The following GLIS3 variants were observed in gnomAD, a reference collection of about 807,000 sequenced individuals.
GLIS3 encodes the protein GLIS family zinc finger 3.
GLIS3 carries 53 observed loss-of-function variants against 78.6 expected under a neutral mutation model. The ratio of observed to expected loss-of-function variants is 0.67; its 90% confidence interval spans 0.54 to 0.85. GLIS3 has a LOEUF of 0.85. GLIS3 is among the 40% of genes least tolerant of loss of function. The probability of loss-of-function intolerance (pLI) is 0.00; values close to 1 mark genes in which losing one functional copy is unlikely to be tolerated. For synonymous variants in GLIS3, 684 were observed against 509.9 expected, an observed-to-expected ratio of 1.34 and a Z score of -4.60; for missense variants, 1,703 against 1,231.1, an observed-to-expected ratio of 1.38 and a Z score of -5.74.
chr9:4,350,055 G>T (rs1348657405), upstream of GLIS3, among the ~76,000 whole-genome samples: 1 of 152,234 alleles, frequency 6.6e-6, no homozygotes, highest in Non-Finnish European at 1.5e-5. Context: ...AACTGAGAGA[G>T]TCAGATTGCA....
intron 1 of GLIS3, among the ~76,000 whole-genome samples, chr9:4,298,959 C>A (rs1355613600): frequency 3.9e-5 from 6 of 152,194 alleles, no homozygotes; most frequent in African/African-American, 1.4e-4. Flanking sequence ...GCGCGAGAGA[C>A]CTCACGTCAC....
At chr9:4,488,681 G>A in the GLIS3 span, among the ~76,000 whole-genome samples, 16 of 151,812 alleles carry the variant, frequency 1.1e-4, no homozygotes, top group African/African-American at 3.9e-4. Flanking sequence ...CCCTAAACCC[G>A]GCTAATTTTT....
chr9:4,490,354 C>T, the GLIS3 span: 3 of 185,626 alleles, frequency 1.6e-5, no homozygotes. Context: ...CCGGGCGTCC[C>T]ACGCACGCAC....
At chr9:3,923,191 C>T (rs748551776) in intron 6 of GLIS3, among the ~76,000 whole-genome samples, 5 of 152,196 alleles carry the variant, frequency 3.3e-5, no homozygotes, top group Non-Finnish European at 7.3e-5. Flanking sequence ...ATACCTAATT[C>T]GTTTCCCACA....
intron 2 of GLIS3, among the ~76,000 whole-genome samples, chr9:4,208,706 G>A (rs138268133): frequency 2.2e-4 from 33 of 152,294 alleles, no homozygotes; most frequent in East Asian, 2.1e-3. Flanking sequence ...GGTTGCTAGC[G>A]TTTAAAGAGT....
At chr9:3,874,055 A>T (rs960906791) in intron 8 of GLIS3, among the ~76,000 whole-genome samples, 4 of 152,062 alleles carry the variant, frequency 2.6e-5, no homozygotes, top group African/African-American at 9.7e-5. Flanking sequence ...TCAAAGTGAT[A>T]GTGTCTTTTT....
At chr9:3,994,965 T>C (rs1226388143) in intron 4 of GLIS3, among the ~76,000 whole-genome samples, 1 of 152,182 alleles carries the variant, frequency 6.6e-6, no homozygotes, top group African/African-American at 2.4e-5. Context: ...GGGGCTATTC[T>C]AACAATTTCA....
the GLIS3 span, among the ~76,000 whole-genome samples, chr9:4,462,106 T>C: frequency 2.0e-5 from 3 of 152,302 alleles, no homozygotes; most frequent in South Asian, 2.1e-4. Context: ...TTTTTGCCCA[T>C]GGGCCACACC....
At chr9:4,371,924 T>A in the GLIS3 span, among the ~76,000 whole-genome samples, 1 of 152,224 alleles carries the variant, frequency 6.6e-6, no homozygotes, top group East Asian at 1.9e-4. Context: ...CCTACTTCGA[T>A]GCTCAGCTCT....
chr9:4,418,504 G>T, the GLIS3 span, among the ~76,000 whole-genome samples: 2 of 152,154 alleles, frequency 1.3e-5, no homozygotes, highest in Non-Finnish European at 2.9e-5. Context: ...TATTGGACCA[G>T]GCTGGCCAAC....
rs975806981 is a variant in GLIS3 at position 4,163,266 on chromosome 9, A to G, written c.389-37325T>C. The stretch of plus-strand genomic sequence containing the variant: ...CTGGCACACACACACACACACACAC[A>G]CACGCGCACGCGCGCACACATACCA... On this transcript the variant is annotated intron_variant, in intron 2 of 10. Coordinates refer to ENST00000381971, the MANE Select transcript of GLIS3 (RefSeq NM_001042413.2). Among the ~76,000 whole-genome samples the G allele has an allele frequency of 5.7e-4, 85 of 148,350 alleles. 1 individual carries two copies. Among genetic ancestry groups the G allele is most frequent in the Middle Eastern group, 3.5e-3 (1 of 284 alleles).
At chr9:4,421,655 G>A in the GLIS3 span, among the ~76,000 whole-genome samples, 4 of 152,206 alleles carry the variant, frequency 2.6e-5, no homozygotes, top group Non-Finnish European at 5.9e-5. Context: ...TTACTGCATA[G>A]CTCACTGCCT....
chr9:4,388,353 G>A, the GLIS3 span, among the ~76,000 whole-genome samples: 1 of 152,018 alleles, frequency 6.6e-6, no homozygotes, highest in African/African-American at 2.4e-5. Context: ...AAATTTCCAT[G>A]GTTAGCTTTA....
chr9:4,446,546 C>T, the GLIS3 span, among the ~76,000 whole-genome samples: 1 of 136,498 alleles, frequency 7.3e-6, no homozygotes, highest in East Asian at 2.1e-4. Flanking sequence ...GTCTTGCTCT[C>T]TCACCCAGGC....
At chr9:4,068,159 G>A (rs1028187294) in intron 4 of GLIS3, among the ~76,000 whole-genome samples, 1 of 152,106 alleles carries the variant, frequency 6.6e-6, no homozygotes, top group African/African-American at 2.4e-5. Context: ...AAAATTTAAT[G>A]TCATTTGCAA....
At chr9:4,001,153 C>T (rs1821100418) in intron 4 of GLIS3, among the ~76,000 whole-genome samples, 1 of 152,132 alleles carries the variant, frequency 6.6e-6, no homozygotes, top group African/African-American at 2.4e-5. Context: ...TGTCAGTGTT[C>T]TTCATGCTTA....
intron 8 of GLIS3, chr9:3,875,507 C>A (rs1821253448): frequency 2.0e-5 from 3 of 152,260 alleles, no homozygotes; most frequent in South Asian, 4.1e-4. Context: ...CAGTTTCCCA[C>A]TAAAAATCGC....
intron 4 of GLIS3, among the ~76,000 whole-genome samples, chr9:3,958,480 A>G (rs1422864302): frequency 1.3e-5 from 2 of 152,204 alleles, no homozygotes; most frequent in African/African-American, 2.4e-5. Context: ...AGACTGATGT[A>G]CCTACAAATC....
the GLIS3 span, among the ~76,000 whole-genome samples, chr9:4,439,602 A>T: frequency 2.6e-5 from 4 of 152,144 alleles, no homozygotes; most frequent in East Asian, 5.8e-4. Context: ...TTTCTGGTAA[A>T]CACCATTCTA....
Sources: gnomAD v4.1 joint callset for allele counts (sites outside exome capture counted in the v4.1 genomes callset) on GRCh38, gnomAD v4.1.1 for gene constraint, MANE v1.5 for transcripts, NCBI Gene and HGNC (gene_info 2026-07-23, HGNC 2026-07-21) for gene names.